Variants in GTSE1 observed in about 807,000 individuals in gnomAD.
The protein encoded by GTSE1 is G2 and S phase-expressed protein 1.
A neutral mutation model predicts 60.5 loss-of-function variants in GTSE1; 52 were observed. The observed-to-expected ratio is 0.86, with a 90% CI of 0.69 to 1.08. The LOEUF (loss-of-function observed/expected upper bound fraction) is 1.08, where lower values mean the gene tolerates loss of function less well. Ranked by LOEUF, GTSE1 falls within the 50% of genes least tolerant of loss-of-function variation. The pLI, the probability that GTSE1 is intolerant of heterozygous loss-of-function variation, is 0.00. For missense variants in GTSE1, 937 were observed against 961.8 expected (o/e 0.97, Z 0.34); for synonymous variants, 368 against 386.5 (o/e 0.95, Z 0.56).
At chr22:46,298,025 T>G (rs1474023623) in intron 2 of GTSE1, among the ~76,000 whole-genome samples, 2 of 152,010 alleles carry the variant, frequency 1.3e-5, no homozygotes, top group Admixed American at 6.6e-5. Flanking sequence ...TGCAAAGGCG[T>G]GATCTGTACT....
rs2077861161 is a variant in GTSE1, at chr22:46,329,111, C to A, written c.1926+222C>A. 2 of 622,786 alleles carry A rather than the reference C, an allele frequency of 3.2e-6. No individual in the cohort carries two copies. The highest frequency in any genetic ancestry group is 5.7e-6 in the Non-Finnish European group (2 of 353,420). 38.6% of individuals were successfully genotyped at this position (622,786 alleles called of 1,614,324 possible). On this transcript the variant is annotated intron_variant, in intron 10 of 11. Coordinates refer to ENST00000454366, the MANE Select transcript of GTSE1 (RefSeq NM_016426.7). The surrounding 1 kb of genome is among the most constrained non-coding windows in gnomAD (Gnocchi z 6.4). The stretch of plus-strand genomic sequence containing the variant: ...CTAAGGCAAGGGTCAGGGATCAAAG[C>A]TGAGGAAGCGGGAAGCAGGGTGGCA...
rs368431899 is a variant in GTSE1 at position 46,328,848 on chromosome 22, C to T, written c.1885C>T (p.Arg629Trp). 1.2e-5 allele frequency: 20 copies of T among 1,613,798 alleles called. No homozygotes were observed. Among genetic ancestry groups the T allele is most frequent in the East Asian group, 2.2e-5 (1 of 44,884 alleles). The change falls in exon 10 of 12, where the codon CGG becomes TGG. Residue 629 changes from arginine (R) to tryptophan (W), a missense_variant. Physicochemically the swap from Arg to Trp is moderately radical, Grantham distance 101 (BLOSUM62 -3). Coordinates refer to ENST00000454366, the MANE Select transcript of GTSE1 (RefSeq NM_016426.7). ...FSKSTATEVA[R>W]EEAKPGGDAA... ...CAAAAGTACTGCCACAGAAGTAGCT[C>T]GGGAGGAAGCCAAGCCGGGTGGAGA...
chr22:46,305,658 C>T (rs2077711503), intron 2 of GTSE1, among the ~76,000 whole-genome samples: 1 of 150,934 alleles, frequency 6.6e-6, no homozygotes, highest in South Asian at 2.1e-4. Flanking sequence ...CCTGTAATCC[C>T]AGCACTTTGG....
Position 46,314,514 on chromosome 22 carries a change from C to T in GTSE1, c.1051+501C>T, listed in dbSNP as rs376050475. 9.2e-5 allele frequency among the ~76,000 whole-genome samples: 14 copies of T among 152,150 alleles called. No homozygotes were observed. Among genetic ancestry groups the T allele is most frequent in the African/African-American group, 3.4e-4 (14 of 41,524 alleles). On this transcript the variant is annotated intron_variant, in intron 6 of 11. Transcript: ENST00000454366. This position sits in a 1 kb window ranked among gnomAD's most constrained non-coding sequence, Gnocchi z 7.1. ...CTGCTCTTCAGAGCGAAATCCTCTT[C>T]GAGGTGCATTGGCCATGTGGCGTCT...
In GTSE1 at chr22:46,304,020, T is replaced by A. The variant is rs550766724; in HGVS notation, c.80-4130T>A. 5.3e-5 allele frequency among the ~76,000 whole-genome samples: 8 copies of A among 152,310 alleles called. No homozygotes were observed. The South Asian group carries it at 1.4e-3, about 28-fold the overall frequency. On this transcript the variant is annotated intron_variant, in intron 2 of 11. Transcript: ENST00000454366. The surrounding 1 kb of genome is among the most constrained non-coding windows in gnomAD (Gnocchi z 4.4). ...ATATACCTTTGTGGTTTTTGGTTTG[T>A]TTTGAGACAGTGTCTCTTGCTCTAT... is the stretch of plus-strand genomic sequence containing the variant.
intron 5 of GTSE1, among the ~76,000 whole-genome samples, chr22:46,312,874 A>C (rs972623785): frequency 6.6e-6 from 1 of 151,866 alleles, no homozygotes; most frequent in Non-Finnish European, 1.5e-5. Context: ...GATGTTTTGA[A>C]AACAGCAGCT....
chr22:46,302,148 T>TA (rs1274237107), intron 2 of GTSE1, among the ~76,000 whole-genome samples: 1 of 152,070 alleles, frequency 6.6e-6, no homozygotes, highest in Non-Finnish European at 1.5e-5. Flanking sequence ...TAAAGAAAAA[T>TA]AAAAAAGAAT....
rs905316948 is a variant in GTSE1, at chr22:46,326,189, G to T, written c.1506-247G>T. Among the ~76,000 whole-genome samples the T allele has an allele frequency of 7.2e-5, 11 of 152,264 alleles. 1 individual carries two copies. Reference sequence around the variant, plus strand: ...TGATCAATTTTCTTTTGAGTTGCCTGTGAGGAAGGGCAGTGAAGCCATTCC... The same window carrying T: ...TGATCAATTTTCTTTTGAGTTGCCTTTGAGGAAGGGCAGTGAAGCCATTCC... On this transcript the variant is annotated intron_variant, in intron 8 of 11. Transcript: ENST00000454366.
At chr22:46,298,849 C>T (rs2077673113) in intron 2 of GTSE1, among the ~76,000 whole-genome samples, 1 of 152,220 alleles carries the variant, frequency 6.6e-6, no homozygotes, top group Non-Finnish European at 1.5e-5. Context: ...ACTACTGGAT[C>T]ATGCGCATCC....
At chr22:46,308,989 G>A in intron 4 of GTSE1, 46 bp downstream of exon 4, 1 of 1,548,862 alleles carries the variant, frequency 6.5e-7, no homozygotes, top group Non-Finnish European at 8.7e-7. Context: ...CCCACTCCTT[G>A]CCCCTCAGCC....
chr22:46,326,311 C>T lies in GTSE1; in HGVS notation c.1506-125C>T. On this transcript the variant is annotated intron_variant, in intron 8 of 11. Coordinates refer to ENST00000454366, the MANE Select transcript of GTSE1 (RefSeq NM_016426.7). ...CCCAGGAGAGCGGAGCTCACACGGG[C>T]TCCCTGGCTTGGCTCTTCTGGGCTG... is the stretch of plus-strand genomic sequence containing the variant. The T allele has an allele frequency of 2.7e-6, 2 of 731,618 alleles. 1 individual carries two copies. The highest frequency in any genetic ancestry group is 3.6e-5 in the African/African-American group (2 of 55,490). 45.3% of individuals were successfully genotyped at this position (731,618 alleles called of 1,614,324 possible).
rs2077661866 is a variant in GTSE1, at chr22:46,297,208, C to A, written c.-21-172C>A. Among the ~76,000 whole-genome samples the A allele has an allele frequency of 6.6e-6, 1 of 152,236 alleles. No homozygotes were observed. Among genetic ancestry groups the A allele is most frequent in the Non-Finnish European group, 1.5e-5 (1 of 68,038 alleles). On this transcript the variant is annotated intron_variant, in intron 1 of 11. Transcript: ENST00000454366. The surrounding 1 kb of genome is among the most constrained non-coding windows in gnomAD (Gnocchi z 4.9). ...GGCTGACTCCCGGCCTGGCGGCACT[C>A]GGGCCCTGGGGTCCCCTGGGATGCG...
Position 46,310,704 on chromosome 22 carries a change from G to A in GTSE1, c.763-1437G>A, listed in dbSNP as rs898464843. 2.0e-5 allele frequency among the ~76,000 whole-genome samples: 3 copies of A among 152,160 alleles called. No homozygotes were observed. The highest frequency in any genetic ancestry group is 6.5e-5 in the Admixed American group (1 of 15,284). Reference sequence around the variant, plus strand: ...AGCACTTTGGGAAGCCAAGGTGGGCGAATCACCTGAGGTCAGGAGTTTGAG... The same window carrying A: ...AGCACTTTGGGAAGCCAAGGTGGGCAAATCACCTGAGGTCAGGAGTTTGAG... On this transcript the variant is annotated intron_variant, in intron 4 of 11. Transcript: ENST00000454366. This position sits in a 1 kb window ranked among gnomAD's most constrained non-coding sequence, Gnocchi z 4.4.
chr22:46,323,337 G>T, intron 8 of GTSE1, 75 bp downstream of exon 8: 1 of 1,156,744 alleles, frequency 8.6e-7, no homozygotes. Flanking sequence ...CAACCATTTG[G>T]TAACCCTGCA....
intron 7 of GTSE1, among the ~76,000 whole-genome samples, chr22:46,322,480 T>TA (rs2077819087): frequency 6.6e-6 from 1 of 152,130 alleles, no homozygotes; most frequent in Non-Finnish European, 1.5e-5. Context: ...CATGTGCTGA[T>TA]ACTCAAGTGC....
At position 46,309,017 on chromosome 22, in the gene GTSE1, T is replaced by G; in HGVS notation, c.762+74T>G. The G allele has an allele frequency of 6.7e-7, 1 of 1,499,878 alleles. No homozygotes were observed. The highest frequency in any genetic ancestry group is 9.0e-7 in the Non-Finnish European group (1 of 1,114,672). 92.9% of individuals were successfully genotyped at this position (1,499,878 alleles called of 1,614,324 possible). ...CCTCAGCCCTCTCACAGAAGCCACA[T>G]GCGGAAAGCCTCAGAGGTGGCGAGT... On this transcript the variant is annotated intron_variant, in intron 4 of 11. Transcript: ENST00000454366. The surrounding 1 kb of genome is among the most constrained non-coding windows in gnomAD (Gnocchi z 6.2).
Position 46,314,537 on chromosome 22 carries a change from T to A in GTSE1, c.1051+524T>A, listed in dbSNP as rs1327296042. ...TTCGAGGTGCATTGGCCATGTGGCG[T>A]CTCGGGGTCGTTCAGGGCAGCATGG... On this transcript the variant is annotated intron_variant, in intron 6 of 11. Coordinates refer to ENST00000454366, the MANE Select transcript of GTSE1 (RefSeq NM_016426.7). The surrounding 1 kb of genome is among the most constrained non-coding windows in gnomAD (Gnocchi z 7.1). Among the ~76,000 whole-genome samples, 3 of 152,098 alleles carry A rather than the reference T, an allele frequency of 2.0e-5. 1 individual carries two copies. The highest frequency in any genetic ancestry group is 4.2e-4 in the South Asian group (2 of 4,816).
Position 46,312,251 on chromosome 22 carries a change from G to C in GTSE1, c.873G>C (p.Pro291=). 1 of 1,614,046 alleles carries C rather than the reference G, an allele frequency of 6.2e-7. No individual in the cohort carries two copies. The highest frequency in any genetic ancestry group is 8.5e-7 in the Non-Finnish European group (1 of 1,179,994). ...DKPAPGAVNV[P]AAGSHLGQGK... ...CTGCCCCGGGTGCTGTCAATGTGCCGGCCGCCGGAAGCCACTTGGGCCAGG... is the reference window on the plus strand; with the variant it reads ...CTGCCCCGGGTGCTGTCAATGTGCCCGCCGCCGGAAGCCACTTGGGCCAGG... Residue 291 remains proline, a synonymous_variant, in exon 5 of 12, where the codon CCG becomes CCC. Transcript: ENST00000454366.
chr22:46,299,216 C>T (rs1358303970), intron 2 of GTSE1, among the ~76,000 whole-genome samples: 1 of 152,236 alleles, frequency 6.6e-6, no homozygotes, highest in African/African-American at 2.4e-5. Context: ...GGGGGCTCCC[C>T]CTCTGCTGTC....
Sources: allele counts gnomAD v4.1 joint callset (sites outside exome capture counted in the v4.1 genomes callset), GRCh38; gene constraint gnomAD v4.1.1; non-coding constraint Gnocchi (gnomAD v3.1); transcripts MANE v1.5; gene names NCBI Gene and HGNC (gene_info 2026-07-23, HGNC 2026-07-21).